GRIN2A: variants seen among roughly 807,000 people sequenced by gnomAD.
The protein encoded by GRIN2A is glutamate receptor ionotropic, NMDA 2A.
A neutral mutation model predicts 113.4 loss-of-function variants in GRIN2A; 22 were observed. That is an observed-to-expected ratio of 0.19 (90% CI 0.14 to 0.28). The LOEUF (loss-of-function observed/expected upper bound fraction) is 0.28. Ranked by LOEUF, GRIN2A falls within the 10% of genes least tolerant of loss-of-function variation. The pLI, the probability that GRIN2A is intolerant of heterozygous loss-of-function variation, is 1.00. For synonymous variants in GRIN2A, 827 were observed against 738.4 expected (o/e 1.12, Z -1.94); for missense variants, 1,502 against 1,887.0 (o/e 0.80, Z 3.78).
At chr16:9,937,857 G>C in intron 3 of GRIN2A, 102 bp downstream of exon 3, 1 of 806,490 alleles carries the variant, frequency 1.2e-6, no homozygotes. Flanking sequence ...ATAACATTCT[G>C]CATTTTCAGT....
At chr16:10,087,727 T>C (rs4780789) in intron 2 of GRIN2A, among the ~76,000 whole-genome samples, 142,089 of 152,140 alleles carry the variant, frequency 0.93, 67,121 homozygotes, top group East Asian at 1. Flanking sequence ...TCTTACTCTG[T>C]GACCCAGGCT....
At chr16:9,766,941 T>C (rs1900954173) in intron 12 of GRIN2A, among the ~76,000 whole-genome samples, 1 of 152,230 alleles carries the variant, frequency 6.6e-6, no homozygotes, top group Admixed American at 6.5e-5. Context: ...TTACTTCATT[T>C]CTTAAAATGT....
At chr16:9,922,232 A>G (rs971334900) in intron 3 of GRIN2A, among the ~76,000 whole-genome samples, 5 of 152,062 alleles carry the variant, frequency 3.3e-5, no homozygotes, top group Non-Finnish European at 7.4e-5. Flanking sequence ...GGCCTAAGTG[A>G]TCTCCAGCAT....
rs117602909 is a variant in GRIN2A at position 9,983,331 on chromosome 16, T to C, written c.415-44780A>G. Among the ~76,000 whole-genome samples, 1,389 of 152,318 alleles carry C rather than the reference T, an allele frequency of 9.1e-3. 10 individuals carry two copies. Among genetic ancestry groups the C allele is most frequent in the Middle Eastern group, 0.027 (8 of 294 alleles). On this transcript the variant is annotated intron_variant, in intron 2 of 12. Transcript: ENST00000330684. ...GAGATCAATGCTTTGAGCTTCCACATGAAGTGAAAACACGTGATATTTGGT... is the reference window on the plus strand; with the variant it reads ...GAGATCAATGCTTTGAGCTTCCACACGAAGTGAAAACACGTGATATTTGGT...
chr16:9,821,675 C>A (rs867782038), intron 10 of GRIN2A, among the ~76,000 whole-genome samples: 2 of 152,180 alleles, frequency 1.3e-5, no homozygotes, highest in Non-Finnish European at 2.9e-5. Context: ...CTCTCCAAAG[C>A]CTAAACTCCT....
intron 3 of GRIN2A, among the ~76,000 whole-genome samples, chr16:9,923,196 T>C (rs564056429): frequency 6.6e-6 from 1 of 152,310 alleles, no homozygotes; most frequent in Non-Finnish European, 1.5e-5. Flanking sequence ...TTTATCATAA[T>C]GAAATGGCAA....
intron 3 of GRIN2A, among the ~76,000 whole-genome samples, chr16:9,934,674 T>G (rs2044669709): frequency 1.5e-5 from 1 of 68,566 alleles, no homozygotes; most frequent in South Asian, 4.2e-4. Context: ...AGCGAGACTC[T>G]GTCTAAAAAA....
At chr16:9,921,578 G>T (rs1661712598) in intron 3 of GRIN2A, among the ~76,000 whole-genome samples, 1 of 152,138 alleles carries the variant, frequency 6.6e-6, no homozygotes, top group African/African-American at 2.4e-5. Flanking sequence ...AATATAAGAT[G>T]GTGCATGTGA....
chr16:9,991,669 T>C (rs1340457830), intron 2 of GRIN2A, among the ~76,000 whole-genome samples: 1 of 152,158 alleles, frequency 6.6e-6, no homozygotes, highest in African/African-American at 2.4e-5. Flanking sequence ...GTTTTGGAGT[T>C]GCTGCACTTA....
intron 2 of GRIN2A, among the ~76,000 whole-genome samples, chr16:10,118,749 G>A (rs1006373573): frequency 6.6e-6 from 1 of 152,204 alleles, no homozygotes; most frequent in Non-Finnish European, 1.5e-5. Flanking sequence ...AGTGTCCTAT[G>A]TGAACAGGAT....
chr16:9,934,911 G>C (rs1204495258), intron 3 of GRIN2A, among the ~76,000 whole-genome samples: 1 of 151,836 alleles, frequency 6.6e-6, no homozygotes, highest in Non-Finnish European at 1.5e-5. Flanking sequence ...TGGATGGAGA[G>C]ATGTTTCATT....
chr16:10,123,985 T>C (rs1304482863), intron 2 of GRIN2A, among the ~76,000 whole-genome samples: 1 of 152,168 alleles, frequency 6.6e-6, no homozygotes. Flanking sequence ...TCTGCCCTGG[T>C]GTAATCATCC....
rs1567344221 is a variant in GRIN2A, at chr16:9,849,623, G to A, written c.1328+133C>T. 2.0e-5 allele frequency: 15 copies of A among 758,452 alleles called. No individual in the cohort carries two copies. The Admixed American group carries it at 3.0e-4, about 15-fold the overall frequency. The allele number at this position is 758,452 out of a possible 1,614,324, so 47.0% of individuals were successfully genotyped here. On this transcript the variant is annotated intron_variant, in intron 5 of 12. Coordinates refer to ENST00000330684, the MANE Select transcript of GRIN2A (RefSeq NM_001134407.3). Reference sequence around the variant, plus strand: ...CTAAGTCTTTTTTAAATTGATTATTGTATTATACCTACTATAACGACGTGT... The same window carrying A: ...CTAAGTCTTTTTTAAATTGATTATTATATTATACCTACTATAACGACGTGT...
At position 10,079,607 on chromosome 16, in the gene GRIN2A, T is replaced by A. The variant is rs143368586; in HGVS notation, c.414+100391A>T. Reference sequence around the variant, plus strand: ...CAGAGAGATCAACGGCCCCTTCCATTACCAATGAAGAACAAAACAAAATGA... The same window carrying A: ...CAGAGAGATCAACGGCCCCTTCCATAACCAATGAAGAACAAAACAAAATGA... On this transcript the variant is annotated intron_variant, in intron 2 of 12. Coordinates refer to ENST00000330684, the MANE Select transcript of GRIN2A (RefSeq NM_001134407.3). Among the ~76,000 whole-genome samples the A allele has an allele frequency of 3.7e-3, 569 of 152,272 alleles. 2 individuals are homozygous for A. Among genetic ancestry groups the A allele is most frequent in the African/African-American group, 0.013 (544 of 41,554 alleles).
intron 4 of GRIN2A, among the ~76,000 whole-genome samples, chr16:9,877,871 T>TC (rs57702157): frequency 0.35 from 40,748 of 116,046 alleles, 8,204 homozygotes; most frequent in African/African-American, 0.57. Flanking sequence ...TGCCTCCCTC[T>TC]CCCCCAACTC....
At chr16:9,941,506 T>C (rs2044874832) in intron 2 of GRIN2A, among the ~76,000 whole-genome samples, 1 of 152,214 alleles carries the variant, frequency 6.6e-6, no homozygotes, top group Admixed American at 6.5e-5. Flanking sequence ...CCTTGCTTTG[T>C]GCTGTCTCCA....
chr16:10,107,418 G>T lies in GRIN2A; in HGVS notation c.414+72580C>A, dbSNP rs2048520972. Among the ~76,000 whole-genome samples the T allele has an allele frequency of 3.9e-5, 6 of 152,334 alleles. No individual in the cohort carries two copies. The South Asian group carries it at 1.2e-3, about 32-fold the overall frequency. On this transcript the variant is annotated intron_variant, in intron 2 of 12. Coordinates refer to ENST00000330684, the MANE Select transcript of GRIN2A (RefSeq NM_001134407.3). ...TCTGGTGTTGAAACTGCCCTGAGCT[G>T]ACTTTAAATCCACTGCAGGTAGTTG...
intron 2 of GRIN2A, among the ~76,000 whole-genome samples, chr16:9,961,051 T>C (rs9922994): frequency 0.016 from 2,495 of 152,342 alleles, 69 homozygotes; most frequent in African/African-American, 0.057. Flanking sequence ...CTCAGCACTA[T>C]AGTACTTGGT....
At chr16:10,147,455 C>CAAAAAAAAAAAAAAAAAAAA (rs367830700) in intron 2 of GRIN2A, among the ~76,000 whole-genome samples, 2 of 72,942 alleles carry the variant, frequency 2.7e-5, no homozygotes, top group Admixed American at 1.9e-4. Context: ...ACTAAAAATA[C>CAAAAAAAAAAAAAAAAAAAA]AAAAAAAAAA....
Sources: gnomAD v4.1 joint callset for allele counts (sites outside exome capture counted in the v4.1 genomes callset) on GRCh38, gnomAD v4.1.1 for gene constraint, MANE v1.5 for transcripts, NCBI Gene and HGNC (gene_info 2026-07-23, HGNC 2026-07-21) for gene names.